The following ANTXR1 variants were observed in gnomAD, a reference collection of about 807,000 sequenced individuals.
ANTXR1 encodes the protein ANTXR cell adhesion molecule 1.
ANTXR1 carries 19 observed loss-of-function variants against 78.1 expected under a neutral mutation model. The ratio of observed to expected loss-of-function variants is 0.24; its 90% CI spans 0.17 to 0.36. ANTXR1 has a LOEUF of 0.36. Among genes scored for constraint, ANTXR1 ranks in the 10% least tolerant of loss-of-function variants. ANTXR1 has a pLI of 1.00. For missense variants in ANTXR1, 518 were observed against 718.6 expected (o/e 0.72, Z 3.19); for synonymous variants, 273 against 260.5 (o/e 1.05, Z -0.46).
intron 17 of ANTXR1, among the ~76,000 whole-genome samples, chr2:69,196,102 T>G (rs971968317): frequency 6.6e-6 from 1 of 152,254 alleles, no homozygotes; most frequent in Non-Finnish European, 1.5e-5. Context: ...CTTCCTCTAA[T>G]GAATCACACT....
intron 16 of ANTXR1, among the ~76,000 whole-genome samples, chr2:69,184,147 T>C (rs912641024): frequency 6.6e-6 from 1 of 152,210 alleles, no homozygotes; most frequent in Non-Finnish European, 1.5e-5. Context: ...AATTTGCTAA[T>C]TTTGGATCAG....
At chr2:69,134,233 C>T (rs542604639) in intron 12 of ANTXR1, among the ~76,000 whole-genome samples, 8 of 152,230 alleles carry the variant, frequency 5.3e-5, no homozygotes, top group Middle Eastern at 3.4e-3. Context: ...CTACCAAATA[C>T]GGTATGTTAT....
rs995484683 is a variant in ANTXR1, at chr2:69,025,870, G to A, written c.152+12219G>A. 3.4e-4 allele frequency among the ~76,000 whole-genome samples: 52 copies of A among 152,250 alleles called. 1 individual carries two copies. The highest frequency in any genetic ancestry group is 7.3e-4 in the Non-Finnish European group (50 of 68,032). ...TTACTCTCAAAAGTTTCTCAGTTTGGATTTTAAATTATATGGTCATCCTGA... is the reference window on the plus strand; with the variant it reads ...TTACTCTCAAAAGTTTCTCAGTTTGAATTTTAAATTATATGGTCATCCTGA... On this transcript the variant is annotated intron_variant, in intron 1 of 17. Coordinates refer to ENST00000303714, the MANE Select transcript of ANTXR1 (RefSeq NM_032208.3).
intron 12 of ANTXR1, among the ~76,000 whole-genome samples, chr2:69,146,888 A>T (rs1673244640): frequency 6.6e-6 from 1 of 152,214 alleles, no homozygotes; most frequent in Non-Finnish European, 1.5e-5. Context: ...CCCCTGGTGA[A>T]GAGGGAGGAC....
intron 17 of ANTXR1, among the ~76,000 whole-genome samples, chr2:69,229,861 G>C (rs1169272868): frequency 6.6e-6 from 1 of 152,096 alleles, no homozygotes; most frequent in African/African-American, 2.4e-5. Context: ...CAGGACCCAG[G>C]AGTGTACATT....
chr2:69,178,001 T>C (rs1178568944), intron 14 of ANTXR1, among the ~76,000 whole-genome samples: 1 of 152,176 alleles, frequency 6.6e-6, no homozygotes, highest in Non-Finnish European at 1.5e-5. Context: ...TTTTGTTTAC[T>C]AAAGGAAAGC....
At chr2:69,209,142 C>G (rs535901681) in intron 17 of ANTXR1, among the ~76,000 whole-genome samples, 1 of 152,300 alleles carries the variant, frequency 6.6e-6, no homozygotes, top group East Asian at 1.9e-4. Flanking sequence ...GAACTTGCAT[C>G]CTTTAAAACC....
intron 17 of ANTXR1, among the ~76,000 whole-genome samples, chr2:69,207,738 C>G (rs1674942781): frequency 6.6e-6 from 1 of 152,168 alleles, no homozygotes; most frequent in African/African-American, 2.4e-5. Context: ...CACACCCCAC[C>G]CTGTGTTATA....
At chr2:69,129,012 AAG>A (rs753373404) in intron 12 of ANTXR1, among the ~76,000 whole-genome samples, 18 of 152,194 alleles carry the variant, frequency 1.2e-4, no homozygotes, top group Non-Finnish European at 2.4e-4. Flanking sequence ...TTTTACAGGA[AAG>A]AGATTTTTCC....
intron 17 of ANTXR1, among the ~76,000 whole-genome samples, chr2:69,229,734 GTTT>G (rs562601103): frequency 2.9e-5 from 4 of 139,324 alleles, no homozygotes; most frequent in African/African-American, 5.2e-5. Context: ...TGCCATGGTG[GTTT>G]TTTTTTTTTT....
intron 10 of ANTXR1, among the ~76,000 whole-genome samples, chr2:69,107,953 A>T (rs944501628): frequency 9.2e-5 from 14 of 152,208 alleles, no homozygotes; most frequent in Non-Finnish European, 1.2e-4. Flanking sequence ...AGTTCAGAAG[A>T]AAAAAAGCAG....
intron 12 of ANTXR1, among the ~76,000 whole-genome samples, chr2:69,143,860 T>C (rs947240187): frequency 1.3e-5 from 2 of 151,700 alleles, no homozygotes; most frequent in African/African-American, 4.8e-5. Flanking sequence ...AAGAGGGAGA[T>C]TGGGAGAGTC....
chr2:69,143,037 A>C (rs746168254), intron 12 of ANTXR1, among the ~76,000 whole-genome samples: 2 of 152,104 alleles, frequency 1.3e-5, no homozygotes, highest in Admixed American at 6.6e-5. Flanking sequence ...AATGTTAAGA[A>C]CTCTGTGGGC....
intron 10 of ANTXR1, among the ~76,000 whole-genome samples, chr2:69,111,424 T>C (rs1412537850): frequency 6.6e-6 from 1 of 152,230 alleles, no homozygotes; most frequent in Non-Finnish European, 1.5e-5. Flanking sequence ...ATGAAAAACA[T>C]GCTAGACTAT....
At chr2:69,224,867 A>G (rs1222629337) in intron 17 of ANTXR1, among the ~76,000 whole-genome samples, 1 of 152,206 alleles carries the variant, frequency 6.6e-6, no homozygotes, top group African/African-American at 2.4e-5. Context: ...TAACATATGA[A>G]AAGAAATCTT....
At chr2:69,157,325 T>C (rs1322071759) in intron 13 of ANTXR1, among the ~76,000 whole-genome samples, 1 of 152,000 alleles carries the variant, frequency 6.6e-6, no homozygotes, top group Non-Finnish European at 1.5e-5. Flanking sequence ...CTCTAACACA[T>C]TGTTCCTGGT....
chr2:69,240,807 C>T (rs1380422330), intron 17 of ANTXR1, among the ~76,000 whole-genome samples: 1 of 147,800 alleles, frequency 6.8e-6, no homozygotes, highest in Non-Finnish European at 1.5e-5. Context: ...AGGTGTGAGA[C>T]TTTAGTTTTT....
intron 17 of ANTXR1, among the ~76,000 whole-genome samples, chr2:69,219,518 A>G (rs1374658386): frequency 1.3e-5 from 2 of 151,962 alleles, no homozygotes; most frequent in African/African-American, 2.4e-5. Context: ...TGTATTGCTA[A>G]TGAGCCACAA....
At chr2:69,112,277 T>C (rs1455018217) in intron 10 of ANTXR1, among the ~76,000 whole-genome samples, 5 of 152,046 alleles carry the variant, frequency 3.3e-5, no homozygotes, top group Non-Finnish European at 5.9e-5. Context: ...GTTATTTGAA[T>C]CCCCATTTTG....
Sources: gnomAD v4.1 joint callset for allele counts (sites outside exome capture counted in the v4.1 genomes callset) on GRCh38, gnomAD v4.1.1 for gene constraint, MANE v1.5 for transcripts, NCBI Gene and HGNC (gene_info 2026-07-23, HGNC 2026-07-21) for gene names.